KIF5C: variants seen among roughly 807,000 people sequenced by gnomAD.
KIF5C encodes kinesin heavy chain isoform 5C.
In KIF5C, 18 loss-of-function variants were observed where a neutral mutation model predicts 125.2. The ratio of observed to expected loss-of-function variants is 0.14; its 90% CI spans 0.10 to 0.21. The LOEUF (loss-of-function observed/expected upper bound fraction) is 0.21. KIF5C is among the 10% of genes least tolerant of loss of function. KIF5C has a pLI of 1.00. For missense variants in KIF5C, 780 were observed against 1,183.8 expected, an observed-to-expected ratio of 0.66 and a Z score of 5.01; for synonymous variants, 405 against 434.0, an observed-to-expected ratio of 0.93 and a Z score of 0.83.
intron 12 of KIF5C, among the ~76,000 whole-genome samples, chr2:148,976,741 A>AT (rs58128251): frequency 0.033 from 4,728 of 145,330 alleles, 251 homozygotes; most frequent in African/African-American, 0.11. Flanking sequence ...CACTCAGCTA[A>AT]TTTTTTTTTT....
At chr2:148,894,612 A>G (rs1178349911) in intron 1 of KIF5C, among the ~76,000 whole-genome samples, 3 of 152,020 alleles carry the variant, frequency 2.0e-5, no homozygotes. Flanking sequence ...CAGTGATTGA[A>G]TTATTATTAC....
At chr2:149,018,510 G>A (rs1470579192) in intron 25 of KIF5C, among the ~76,000 whole-genome samples, 1 of 152,108 alleles carries the variant, frequency 6.6e-6, no homozygotes, top group East Asian at 1.9e-4. Context: ...AAAGTTCTTG[G>A]CCTTAGGACC....
chr2:148,969,989 C>G (rs540490072), intron 11 of KIF5C, among the ~76,000 whole-genome samples: 1 of 152,106 alleles, frequency 6.6e-6, no homozygotes, highest in Non-Finnish European at 1.5e-5. Flanking sequence ...CTGCGTGTTG[C>G]GGCTTTGTTC....
At chr2:149,007,860 C>A in intron 22 of KIF5C, 103 bp from the exon 23 acceptor site, 1 of 1,262,502 alleles carries the variant, frequency 7.9e-7, no homozygotes, top group Non-Finnish European at 1.0e-6. Context: ...TTTCAGAATA[C>A]CCTTTGGTGG....
intron 3 of KIF5C, among the ~76,000 whole-genome samples, chr2:148,931,162 A>G (rs944205039): frequency 6.6e-6 from 1 of 152,222 alleles, no homozygotes; most frequent in Non-Finnish European, 1.5e-5. Context: ...AACAACAACA[A>G]CAACAACAAA....
At chr2:149,009,123 G>T (rs1682104512) in intron 23 of KIF5C, among the ~76,000 whole-genome samples, 1 of 151,196 alleles carries the variant, frequency 6.6e-6, no homozygotes, top group Non-Finnish European at 1.5e-5. Flanking sequence ...CCGAGTAGCT[G>T]GGATTACAGG....
At chr2:148,907,015 A>G (rs1187360229) in intron 1 of KIF5C, among the ~76,000 whole-genome samples, 1 of 152,202 alleles carries the variant, frequency 6.6e-6, no homozygotes, top group East Asian at 1.9e-4. Flanking sequence ...AACTATGATC[A>G]TTCAACTGCA....
rs757974642 is a variant in KIF5C, at chr2:148,908,033, A to T, written c.127-14104A>T. Among the ~76,000 whole-genome samples the T allele has an allele frequency of 2.6e-5, 4 of 152,180 alleles. No homozygotes were observed. In the East Asian group the frequency reaches 7.7e-4, roughly 29 times the overall value. On this transcript the variant is annotated intron_variant, in intron 1 of 25. Transcript: ENST00000435030. ...CACTCGGTTGCTTTTGTCACTATTT[A>T]TGTGAAAAGTTTTGGCTAGCCTGGA...
chr2:148,971,286 GTCTGTCTATCTATCTATCTA>G (rs1211053227), intron 11 of KIF5C, among the ~76,000 whole-genome samples: 9 of 134,598 alleles, frequency 6.7e-5, no homozygotes, highest in Non-Finnish European at 9.6e-5. Context: ...CTGTCTGTCT[GTCTGTCTATCTATCTATCTA>G]TCTATCTATC....
At chr2:148,965,404 G>A (rs1683026235) in intron 11 of KIF5C, among the ~76,000 whole-genome samples, 1 of 152,088 alleles carries the variant, frequency 6.6e-6, no homozygotes, top group South Asian at 2.1e-4. Context: ...GGAATTGGAG[G>A]GATTCCGCAG....
At chr2:149,020,719 G>A (rs1281601532) in intron 25 of KIF5C, among the ~76,000 whole-genome samples, 3 of 152,286 alleles carry the variant, frequency 2.0e-5, no homozygotes, top group Non-Finnish European at 4.4e-5. Flanking sequence ...GGGGGATAGC[G>A]TGCGTGGAGA....
rs114084816 is a variant in KIF5C, at chr2:148,887,380, T to C, written c.126+11637T>C. Among the ~76,000 whole-genome samples the C allele has an allele frequency of 5.6e-3, 859 of 152,282 alleles. 7 individuals are homozygous for C. The highest frequency in any genetic ancestry group is 0.02 in the African/African-American group (816 of 41,564). On this transcript the variant is annotated intron_variant, in intron 1 of 25. Coordinates refer to ENST00000435030, the MANE Select transcript of KIF5C (RefSeq NM_004522.3). ...GATATTCTGATTTTTTTTTTTGCCT[T>C]TATTTCAGTTTCACTTTGATATATG...
intron 23 of KIF5C, among the ~76,000 whole-genome samples, chr2:149,009,595 C>T (rs1417340850): frequency 1.3e-5 from 2 of 152,116 alleles, no homozygotes; most frequent in Non-Finnish European, 2.9e-5. Flanking sequence ...GTTGCTTCTT[C>T]AATCAGCAAA....
At chr2:148,935,279 G>C (rs1682269100) in intron 3 of KIF5C, among the ~76,000 whole-genome samples, 1 of 152,238 alleles carries the variant, frequency 6.6e-6, no homozygotes, top group South Asian at 2.1e-4. Context: ...CATTGAAAGG[G>C]AAAGCATCTA....
At chr2:148,947,400 G>C (rs1682544011) in intron 8 of KIF5C, 1 of 197,052 alleles carries the variant, frequency 5.1e-6, no homozygotes, top group East Asian at 1.4e-4. Context: ...GGCCAGGAAC[G>C]AGCTTTGCCA....
At chr2:148,999,246 AC>A (rs1199946508) in intron 19 of KIF5C, among the ~76,000 whole-genome samples, 1 of 107,638 alleles carries the variant, frequency 9.3e-6, no homozygotes, top group Non-Finnish European at 1.9e-5. Context: ...TGACCTCCCC[AC>A]CCCCACCCCA....
intron 10 of KIF5C, among the ~76,000 whole-genome samples, chr2:148,952,584 C>G (rs4459700): frequency 0.14 from 20,949 of 152,144 alleles, 2,212 homozygotes; most frequent in African/African-American, 0.29. Context: ...TGTAGGATGT[C>G]CTAGGATGCA....
chr2:148,943,510 G>A (rs1323392437), intron 7 of KIF5C, among the ~76,000 whole-genome samples: 1 of 152,190 alleles, frequency 6.6e-6, no homozygotes, highest in Non-Finnish European at 1.5e-5. Flanking sequence ...ATCTGGAGGA[G>A]GGTGTGTGGA....
At chr2:149,006,732 T>C (rs1187520492) in intron 22 of KIF5C, among the ~76,000 whole-genome samples, 1 of 151,938 alleles carries the variant, frequency 6.6e-6, no homozygotes, top group Non-Finnish European at 1.5e-5. Flanking sequence ...GGCGATTAGG[T>C]AGTAAGCACA....
Sources: gnomAD v4.1 joint callset for allele counts (sites outside exome capture counted in the v4.1 genomes callset) on GRCh38, gnomAD v4.1.1 for gene constraint, MANE v1.5 for transcripts, NCBI Gene and HGNC (gene_info 2026-07-23, HGNC 2026-07-21) for gene names.